TANGO6: variants seen among roughly 807,000 people sequenced by gnomAD.
The protein encoded by TANGO6 is transport and Golgi organization protein 6 homolog.
A neutral mutation model predicts 114.2 loss-of-function variants in TANGO6; 90 were observed. The ratio of observed to expected loss-of-function variants is 0.79; its 90% CI spans 0.66 to 0.94. The LOEUF (loss-of-function observed/expected upper bound fraction) is 0.94. Ranked by LOEUF, TANGO6 falls within the 40% of genes least tolerant of loss-of-function variation. The pLI is 0.00. For missense variants in TANGO6, 1,274 were observed against 1,315.3 expected, an observed-to-expected ratio of 0.97 and a Z score of 0.49; for synonymous variants, 477 against 509.8, an observed-to-expected ratio of 0.94 and a Z score of 0.87.
intron 9 of TANGO6, 140 bp downstream of exon 9, chr16:68,902,644 T>C (rs912758094): frequency 2.7e-6 from 2 of 733,340 alleles, no homozygotes; most frequent in Admixed American, 6.6e-5. Context: ...TTATATTCTC[T>C]AAATGAAACG....
chr16:69,007,693 G>A (rs1344771782), intron 15 of TANGO6, among the ~76,000 whole-genome samples: 3 of 152,146 alleles, frequency 2.0e-5, no homozygotes, highest in Non-Finnish European at 2.9e-5. Flanking sequence ...GTTCTCTCGA[G>A]TCATATGGTA....
At chr16:68,982,776 A>T (rs1051136527) in intron 15 of TANGO6, among the ~76,000 whole-genome samples, 1 of 150,890 alleles carries the variant, frequency 6.6e-6, no homozygotes, top group African/African-American at 2.4e-5. Context: ...CCAGTCCTCT[A>T]TTTCACCTCT....
intron 3 of TANGO6, 79 bp from the exon 4 acceptor site, chr16:68,867,000 T>TAC (rs1962188543): frequency 4.2e-6 from 2 of 481,150 alleles, no homozygotes; most frequent in Non-Finnish European, 6.7e-6. Context: ...TTTTTTTTTT[T>TAC]ACAGGCATGA....
intron 6 of TANGO6, among the ~76,000 whole-genome samples, chr16:68,879,619 C>CTTTT (rs201622523): frequency 7.1e-6 from 1 of 140,072 alleles, no homozygotes; most frequent in East Asian, 2.1e-4. Context: ...CATTTTCTTT[C>CTTTT]TTTTTTTTTT....
At chr16:68,873,032 A>C (rs1294631424) in intron 4 of TANGO6, among the ~76,000 whole-genome samples, 1 of 151,372 alleles carries the variant, frequency 6.6e-6, no homozygotes, top group Non-Finnish European at 1.5e-5. Flanking sequence ...TAAAGAGTAC[A>C]GTTTGGGGTG....
chr16:68,994,824 A>G (rs1963977240), intron 15 of TANGO6, among the ~76,000 whole-genome samples: 1 of 151,980 alleles, frequency 6.6e-6, no homozygotes, highest in Non-Finnish European at 1.5e-5. Context: ...GGCTCAAGCA[A>G]TTCTCCCGCC....
intron 12 of TANGO6, chr16:68,926,963 CCTTT>C (rs1382384156): frequency 6.5e-6 from 1 of 153,108 alleles, no homozygotes; most frequent in African/African-American, 2.4e-5. Flanking sequence ...CACTCATGCA[CCTTT>C]CTTAGTAGTA....
At chr16:68,997,341 C>T (rs565140019) in intron 15 of TANGO6, among the ~76,000 whole-genome samples, 69 of 152,278 alleles carry the variant, frequency 4.5e-4, no homozygotes, top group African/African-American at 1.3e-3. Flanking sequence ...ACTATACTTA[C>T]GGTTATTTCT....
intron 6 of TANGO6, among the ~76,000 whole-genome samples, chr16:68,878,891 G>A (rs999020743): frequency 6.6e-6 from 1 of 151,298 alleles, no homozygotes; most frequent in Non-Finnish European, 1.5e-5. Context: ...GGGCAACATG[G>A]CAAAACCCCG....
chr16:68,883,503 C>G (rs1175121500), intron 7 of TANGO6, among the ~76,000 whole-genome samples: 1 of 152,126 alleles, frequency 6.6e-6, no homozygotes, highest in Admixed American at 6.5e-5. Flanking sequence ...ATGGTATTCT[C>G]TTGTATTAAC....
chr16:68,907,431 C>A lies in TANGO6; in HGVS notation c.1668-12C>A, dbSNP rs771882317. On this transcript the variant is annotated splice_polypyrimidine_tract_variant and intron_variant, in intron 9 of 17. Coordinates refer to ENST00000261778, the MANE Select transcript of TANGO6 (RefSeq NM_024562.2). ...GTGACACTACCAAGATAAATTTTAC[C>A]CTGCATTGCAGTGATGAAGATGAAG... 2.9e-5 allele frequency: 45 copies of A among 1,559,498 alleles called. No individual in the cohort carries two copies. The highest frequency in any genetic ancestry group is 3.8e-5 in the Non-Finnish European group (44 of 1,157,640).
chr16:68,864,001 C>A (rs759877500), intron 3 of TANGO6, among the ~76,000 whole-genome samples: 1 of 151,708 alleles, frequency 6.6e-6, no homozygotes. Context: ...ATGGAGAAAC[C>A]CTGTCTCTAC....
intron 14 of TANGO6, among the ~76,000 whole-genome samples, chr16:68,932,874 A>G (rs1963260114): frequency 6.6e-6 from 1 of 152,244 alleles, no homozygotes; most frequent in Non-Finnish European, 1.5e-5. Context: ...TAAAGTGTCA[A>G]TATTAGTTTA....
chr16:69,023,192 G>T (rs1959442148), intron 16 of TANGO6, among the ~76,000 whole-genome samples: 1 of 152,002 alleles, frequency 6.6e-6, no homozygotes, highest in Non-Finnish European at 1.5e-5. Flanking sequence ...ATGGTGGCTT[G>T]CACCTGTAAT....
At chr16:68,941,869 G>A (rs1013788262) in intron 14 of TANGO6, among the ~76,000 whole-genome samples, 1 of 152,196 alleles carries the variant, frequency 6.6e-6, no homozygotes, top group Non-Finnish European at 1.5e-5. Context: ...TGTAGTTGCA[G>A]CCACTTGGGA....
At chr16:69,019,588 G>A (rs909028377) in intron 15 of TANGO6, among the ~76,000 whole-genome samples, 1 of 152,140 alleles carries the variant, frequency 6.6e-6, no homozygotes, top group African/African-American at 2.4e-5. Context: ...TCATGCTTTC[G>A]AGCAACCTCT....
At chr16:68,866,980 T>G in intron 3 of TANGO6, 99 bp from the exon 4 acceptor site, 1 of 413,572 alleles carries the variant, frequency 2.4e-6, no homozygotes, top group Non-Finnish European at 3.5e-6. Flanking sequence ...TTCTCCTTTT[T>G]TTTTTTTTTT....
chr16:69,049,185 A>G (rs1959907781), intron 17 of TANGO6, among the ~76,000 whole-genome samples: 1 of 152,122 alleles, frequency 6.6e-6, no homozygotes, highest in East Asian at 1.9e-4. Flanking sequence ...ATCTAATTCC[A>G]CAACATTTTC....
chr16:68,902,523 T>TA lies in TANGO6; in HGVS notation c.1667+20dup. The TA allele has an allele frequency of 6.3e-7, 1 of 1,587,480 alleles. No individual in the cohort carries two copies. The highest frequency in any genetic ancestry group is 8.6e-7 in the Non-Finnish European group (1 of 1,168,458). ...CCATTAGGTGAGTCCACCCATCCGT[T>TA]ACTGTTCTCTTCAGATTTAGTTCCG... On this transcript the variant is annotated intron_variant, in intron 9 of 17. Coordinates refer to ENST00000261778, the MANE Select transcript of TANGO6 (RefSeq NM_024562.2).
Sources: allele counts gnomAD v4.1 joint callset (sites outside exome capture counted in the v4.1 genomes callset), GRCh38; gene constraint gnomAD v4.1.1; transcripts MANE v1.5; gene names NCBI Gene and HGNC (gene_info 2026-07-23, HGNC 2026-07-21).